The following GRID2 variants were observed in gnomAD, a reference collection of about 807,000 sequenced individuals.
The protein encoded by GRID2 is glutamate receptor ionotropic, delta-2.
GRID2 carries 33 observed loss-of-function variants against 114.8 expected under a neutral mutation model. That is an observed-to-expected ratio of 0.29 (90% confidence interval 0.22 to 0.38). GRID2 has a LOEUF of 0.38. GRID2 is among the 10% of genes least tolerant of loss of function. The pLI is 1.00. For synonymous variants in GRID2, 505 were observed against 449.9 expected, an observed-to-expected ratio of 1.12 and a Z score of -1.55; for missense variants, 1,184 against 1,257.7, an observed-to-expected ratio of 0.94 and a Z score of 0.89.
At chr4:92,518,597 A>T (rs1279690722) in intron 1 of GRID2, among the ~76,000 whole-genome samples, 2 of 151,726 alleles carry the variant, frequency 1.3e-5, no homozygotes, top group Non-Finnish European at 2.9e-5. Context: ...TCAGTTTTGC[A>T]AGATAGAAAA....
chr4:92,646,297 C>T (rs558880901), intron 2 of GRID2, among the ~76,000 whole-genome samples: 1 of 152,314 alleles, frequency 6.6e-6, no homozygotes, highest in African/African-American at 2.4e-5. Context: ...TATTTTCTCT[C>T]GCTTGTAATA....
chr4:93,795,886 G>A (rs1226199342), intron 1 of GRID2, among the ~76,000 whole-genome samples: 1 of 152,216 alleles, frequency 6.6e-6, no homozygotes, highest in Non-Finnish European at 1.5e-5. Context: ...GCATTGAGGA[G>A]CGTGTGGAAG....
At chr4:92,462,621 A>G (rs1721553856) in intron 1 of GRID2, among the ~76,000 whole-genome samples, 1 of 151,982 alleles carries the variant, frequency 6.6e-6, no homozygotes, top group Non-Finnish European at 1.5e-5. Context: ...TATGGAGATG[A>G]TTTCCTATAG....
chr4:92,553,237 G>A (rs138715793), intron 1 of GRID2, among the ~76,000 whole-genome samples: 214 of 152,250 alleles, frequency 1.4e-3, no homozygotes, highest in African/African-American at 4.9e-3. Flanking sequence ...GGTAATCTGT[G>A]TAAAACACAA....
chr4:93,631,470 G>T (rs911232014), intron 14 of GRID2, among the ~76,000 whole-genome samples: 1 of 152,212 alleles, frequency 6.6e-6, no homozygotes, highest in Non-Finnish European at 1.5e-5. Context: ...GCGGTGTTTG[G>T]TTTTTTGTCT....
intron 1 of GRID2, among the ~76,000 whole-genome samples, chr4:92,505,193 A>G (rs1221309805): frequency 2.6e-5 from 4 of 152,030 alleles, no homozygotes; most frequent in Non-Finnish European, 5.9e-5. Flanking sequence ...TCTCTTCTGC[A>G]AATAGAATAG....
chr4:93,335,694 C>CTTTTTTTTTTTTTTTTTTTT (rs55823712), intron 8 of GRID2, among the ~76,000 whole-genome samples: 20 of 141,726 alleles, frequency 1.4e-4, no homozygotes, highest in African/African-American at 4.6e-4. Flanking sequence ...TTTCTTCTTT[C>CTTTTTTTTTTTTTTTTTTTT]TTTTTTTTTT....
At chr4:92,832,119 T>G (rs1414620830) in intron 2 of GRID2, among the ~76,000 whole-genome samples, 1 of 151,648 alleles carries the variant, frequency 6.6e-6, no homozygotes, top group East Asian at 1.9e-4. Context: ...TATCAACTTA[T>G]GAAAATAAAA....
chr4:92,849,123 AT>A (rs1045597748), intron 2 of GRID2, among the ~76,000 whole-genome samples: 11 of 152,048 alleles, frequency 7.2e-5, no homozygotes, highest in African/African-American at 2.6e-4. Flanking sequence ...TCACCATGCC[AT>A]TTACCCCAGC....
chr4:92,943,587 T>G (rs1351034100), intron 2 of GRID2, among the ~76,000 whole-genome samples: 1 of 152,170 alleles, frequency 6.6e-6, no homozygotes, highest in Non-Finnish European at 1.5e-5. Flanking sequence ...CTCGTCAAAG[T>G]CATTCTCCAT....
chr4:93,212,371 A>G (rs747333555), intron 5 of GRID2, among the ~76,000 whole-genome samples: 1 of 152,180 alleles, frequency 6.6e-6, no homozygotes, highest in African/African-American at 2.4e-5. Flanking sequence ...TAAGTGTGCT[A>G]TAATAATGAG....
intron 8 of GRID2, among the ~76,000 whole-genome samples, chr4:93,297,881 A>G (rs1203833431): frequency 5.3e-5 from 8 of 152,202 alleles, no homozygotes; most frequent in Admixed American, 5.2e-4. Context: ...AATCAGATGG[A>G]GCATACATAG....
At chr4:92,802,463 C>T (rs1364170752) in intron 2 of GRID2, among the ~76,000 whole-genome samples, 15 of 151,764 alleles carry the variant, frequency 9.9e-5, no homozygotes, top group Non-Finnish European at 1.5e-4. Context: ...TCACTGCCTC[C>T]ACCCAGCCCT....
At chr4:92,881,361 T>C (rs1335344295) in intron 2 of GRID2, among the ~76,000 whole-genome samples, 4 of 152,224 alleles carry the variant, frequency 2.6e-5, no homozygotes, top group African/African-American at 7.2e-5. Flanking sequence ...ATTTTACATA[T>C]ATAACATTTA....
intron 2 of GRID2, among the ~76,000 whole-genome samples, chr4:92,989,982 A>G (rs773080657): frequency 3.3e-5 from 5 of 152,148 alleles, no homozygotes; most frequent in Admixed American, 6.5e-5. Flanking sequence ...GATGGGAGGA[A>G]TTTACTGAAA....
intron 4 of GRID2, among the ~76,000 whole-genome samples, chr4:93,172,329 A>C (rs1738911334): frequency 6.6e-6 from 1 of 152,142 alleles, no homozygotes; most frequent in Non-Finnish European, 1.5e-5. Flanking sequence ...GCGGTGGCTC[A>C]CACCTATAAT....
chr4:93,500,836 C>G (rs1472532757), intron 12 of GRID2, among the ~76,000 whole-genome samples: 2 of 151,964 alleles, frequency 1.3e-5, no homozygotes, highest in African/African-American at 4.8e-5. Context: ...CCTAACTCAC[C>G]TTTATTTAGC....
At chr4:93,279,485 T>A (rs1408087789) in intron 8 of GRID2, among the ~76,000 whole-genome samples, 1 of 151,882 alleles carries the variant, frequency 6.6e-6, no homozygotes, top group Non-Finnish European at 1.5e-5. Flanking sequence ...TTGACAGGTT[T>A]TTTTTCAGCA....
intron 1 of GRID2, among the ~76,000 whole-genome samples, chr4:92,431,932 C>T (rs754078325): frequency 9.2e-5 from 14 of 152,240 alleles, no homozygotes; most frequent in Non-Finnish European, 1.9e-4. Flanking sequence ...TTGGTCATCA[C>T]TGTAATTGTG....
Sources: gnomAD v4.1 joint callset for allele counts (sites outside exome capture counted in the v4.1 genomes callset) on GRCh38, gnomAD v4.1.1 for gene constraint, MANE v1.5 for transcripts, NCBI Gene and HGNC (gene_info 2026-07-23, HGNC 2026-07-21) for gene names.